The following TMEM131 variants were observed in gnomAD, a reference collection of about 807,000 sequenced individuals.
The protein encoded by TMEM131 is 2610524E03Rik.
A neutral mutation model predicts 211.6 loss-of-function variants in TMEM131; 66 were observed. The observed-to-expected ratio is 0.31, with a 90% CI of 0.26 to 0.38. TMEM131 has a LOEUF of 0.38. TMEM131 is among the 10% of genes least tolerant of loss of function. The probability of loss-of-function intolerance (pLI) is 1.00; values close to 1 mark genes in which losing one functional copy is unlikely to be tolerated. For missense variants in TMEM131, 2,036 were observed against 2,299.3 expected (o/e 0.89, Z 2.34); for synonymous variants, 844 against 841.3 (o/e 1.00, Z -0.06).
At chr2:97,879,473 A>G (rs1382134614) in intron 4 of TMEM131, among the ~76,000 whole-genome samples, 3 of 152,184 alleles carry the variant, frequency 2.0e-5, no homozygotes, top group African/African-American at 7.2e-5. Context: ...ACAGAGGGAG[A>G]TTAAAAGCAC....
intron 19 of TMEM131, among the ~76,000 whole-genome samples, chr2:97,807,312 T>C (rs561949780): frequency 5.9e-5 from 9 of 152,276 alleles, no homozygotes; most frequent in African/African-American, 1.9e-4. Context: ...GGTGGGGCCC[T>C]ATGGAAGGTG....
chr2:97,872,764 G>T (rs1262611076), intron 4 of TMEM131, among the ~76,000 whole-genome samples: 1 of 152,218 alleles, frequency 6.6e-6, no homozygotes, highest in African/African-American at 2.4e-5. Context: ...ATTCCCTCCG[G>T]TGCCTACCCC....
At chr2:97,807,303 G>A (rs980380549) in intron 19 of TMEM131, among the ~76,000 whole-genome samples, 1 of 152,168 alleles carries the variant, frequency 6.6e-6, no homozygotes, top group Non-Finnish European at 1.5e-5. Flanking sequence ...AGTGTTGGAG[G>A]TGGGGCCCTA....
rs1409004514 is a variant in TMEM131 at position 97,802,474 on chromosome 2, C to T, written c.2605G>A (p.Ala869Thr). 1.2e-6 allele frequency: 2 copies of T among 1,612,222 alleles called. No homozygotes were observed. Among genetic ancestry groups the T allele is most frequent in the African/African-American group, 2.7e-5 (2 of 74,790 alleles). ...VPVYVQFIPLALYSNPSVFVD... is the reference protein window; with the variant it reads ...VPVYVQFIPLTLYSNPSVFVD... ...AACACTGAAGGGTTGGAATATAAAG[C>T]CAGAGGAATAAACTGAACATAGACA... Residue 869 changes from alanine (A) to threonine (T), a missense_variant, in exon 24 of 41, where the codon GCT becomes ACT. Physicochemically the swap from Ala to Thr is moderately conservative, Grantham distance 58. This residue lies in a region of TMEM131 where 1,623 missense variants were observed against 1,805.9 expected (regional missense o/e 0.90). Coordinates refer to ENST00000186436, the MANE Select transcript of TMEM131 (RefSeq NM_015348.2).
chr2:97,951,168 A>G (rs555190885), intron 1 of TMEM131, among the ~76,000 whole-genome samples: 1 of 152,354 alleles, frequency 6.6e-6, no homozygotes, highest in South Asian at 2.1e-4. Flanking sequence ...AAGTGAAAAT[A>G]AGGATTTAAG....
rs1374526649 is a variant in TMEM131 at position 97,943,099 on chromosome 2, AAG to A, written c.188-15614_188-15613del. Among the ~76,000 whole-genome samples, 137 of 148,686 alleles carry A rather than the reference AAG, an allele frequency of 9.2e-4. 1 individual carries two copies. Among genetic ancestry groups the A allele is most frequent in the African/African-American group, 3.2e-3 (129 of 40,006 alleles). On this transcript the variant is annotated intron_variant, in intron 1 of 40. Transcript: ENST00000186436. ...AAAGAAAGAAAGAAAGAAAGAAAGA[AAG>A]AGCTGGGTGTGGTGGTGCATGCCTG...
At chr2:97,989,784 TAGAAACC>T (rs1478881286) in intron 1 of TMEM131, among the ~76,000 whole-genome samples, 2 of 152,232 alleles carry the variant, frequency 1.3e-5, no homozygotes, top group African/African-American at 4.8e-5. Flanking sequence ...AAAGGCTTTC[TAGAAACC>T]CTCCATCTGT....
intron 31 of TMEM131, among the ~76,000 whole-genome samples, chr2:97,778,169 G>A (rs1323620576): frequency 6.6e-6 from 1 of 152,166 alleles, no homozygotes; most frequent in Non-Finnish European, 1.5e-5. Context: ...AATATGAAAT[G>A]GCTGGAAATG....
intron 8 of TMEM131, among the ~76,000 whole-genome samples, chr2:97,835,905 C>T (rs2105073416): frequency 6.6e-6 from 1 of 152,274 alleles, no homozygotes. Context: ...TAAAAACATG[C>T]TATTCTCTGT....
At chr2:97,868,302 A>G (rs958137504) in intron 4 of TMEM131, among the ~76,000 whole-genome samples, 1 of 150,734 alleles carries the variant, frequency 6.6e-6, no homozygotes, top group East Asian at 1.9e-4. Flanking sequence ...GTCTATGTCT[A>G]TCTATCTATC....
chr2:97,864,749 A>G (rs1447021920), intron 4 of TMEM131, among the ~76,000 whole-genome samples: 1 of 152,202 alleles, frequency 6.6e-6, no homozygotes, highest in African/African-American at 2.4e-5. Flanking sequence ...GTGGCAGGCA[A>G]AGGAAAGTGA....
chr2:97,777,875 G>A (rs1296049468), intron 31 of TMEM131, among the ~76,000 whole-genome samples: 1 of 152,110 alleles, frequency 6.6e-6, no homozygotes, highest in Admixed American at 6.5e-5. Context: ...CAAAAAACAG[G>A]CCCCTGACCT....
intron 30 of TMEM131, 84 bp from the exon 31 acceptor site, chr2:97,793,068 G>T: frequency 9.9e-7 from 1 of 1,012,478 alleles, no homozygotes; most frequent in Non-Finnish European, 1.4e-6. Context: ...CATCAGTACA[G>T]CCACCATAAA....
chr2:97,827,068 C>CAAAAAAAAAAA (rs66841026), intron 11 of TMEM131, among the ~76,000 whole-genome samples: 1 of 93,682 alleles, frequency 1.1e-5, no homozygotes, highest in Non-Finnish European at 2.2e-5. Context: ...AAGTGATAAG[C>CAAAAAAAAAAA]AAAAAAAAAA....
At chr2:97,835,882 G>C (rs1217382069) in intron 8 of TMEM131, among the ~76,000 whole-genome samples, 1 of 151,980 alleles carries the variant, frequency 6.6e-6, no homozygotes, top group Non-Finnish European at 1.5e-5. Flanking sequence ...TTTTTTTGCA[G>C]CCACTAGGAC....
intron 31 of TMEM131, among the ~76,000 whole-genome samples, chr2:97,783,449 A>G (rs1221201695): frequency 6.6e-6 from 1 of 152,150 alleles, no homozygotes. Context: ...AAATTCAAAC[A>G]TTATCTGATT....
chr2:97,808,527 T>C (rs1483435916), intron 19 of TMEM131, among the ~76,000 whole-genome samples: 1 of 152,122 alleles, frequency 6.6e-6, no homozygotes, highest in Non-Finnish European at 1.5e-5. Flanking sequence ...CTCCTCCCCA[T>C]ACTTGTTTCA....
chr2:97,909,465 G>C (rs529197366), intron 2 of TMEM131, among the ~76,000 whole-genome samples: 169 of 152,202 alleles, frequency 1.1e-3, no homozygotes, highest in African/African-American at 3.9e-3. Context: ...TTAAAGATAA[G>C]GAAGATGAGA....
chr2:97,975,043 T>C (rs1679471110), intron 1 of TMEM131, among the ~76,000 whole-genome samples: 2 of 152,136 alleles, frequency 1.3e-5, no homozygotes, highest in Non-Finnish European at 2.9e-5. Context: ...TTCACCAAGA[T>C]AGCCTATATT....
Sources: gnomAD v4.1 joint callset for allele counts (sites outside exome capture counted in the v4.1 genomes callset) on GRCh38, gnomAD v4.1.1 for gene constraint, gnomAD v4.1.1 regional missense constraint, MANE v1.5 for transcripts, NCBI Gene and HGNC (gene_info 2026-07-23, HGNC 2026-07-21) for gene names.